SMAP1: variants seen among roughly 807,000 people sequenced by gnomAD.
SMAP1 encodes the protein small ArfGAP 1.
SMAP1 carries 24 observed loss-of-function variants against 58.5 expected under a neutral mutation model. The ratio of observed to expected loss-of-function variants is 0.41; its 90% CI spans 0.30 to 0.58. The LOEUF is 0.58. Ranked by LOEUF, SMAP1 falls within the 20% of genes least tolerant of loss-of-function variation. The probability of loss-of-function intolerance (pLI) is 0.29; values close to 1 mark genes in which losing one functional copy is unlikely to be tolerated. For missense variants in SMAP1, 563 were observed against 566.3 expected, an observed-to-expected ratio of 0.99 and a Z score of 0.06; for synonymous variants, 216 against 196.6, an observed-to-expected ratio of 1.10 and a Z score of -0.82.
chr6:70,820,950 G>C (rs1769863024), intron 6 of SMAP1, among the ~76,000 whole-genome samples: 1 of 152,112 alleles, frequency 6.6e-6, no homozygotes, highest in Admixed American at 6.5e-5. Context: ...AGTGGTTCAA[G>C]GGAATAATCA....
At chr6:70,816,336 TG>T (rs1193963424) in intron 6 of SMAP1, among the ~76,000 whole-genome samples, 1 of 152,104 alleles carries the variant, frequency 6.6e-6, no homozygotes, top group Non-Finnish European at 1.5e-5. Context: ...TGATTTTGAG[TG>T]GGGAAGTATA....
intron 4 of SMAP1, among the ~76,000 whole-genome samples, chr6:70,783,586 C>A (rs1350964452): frequency 1.3e-5 from 2 of 152,052 alleles, no homozygotes; most frequent in African/African-American, 4.8e-5. Flanking sequence ...ACTAGAATAA[C>A]CAATGCAGAG....
At chr6:70,820,195 A>C (rs988065400) in intron 6 of SMAP1, among the ~76,000 whole-genome samples, 1 of 152,202 alleles carries the variant, frequency 6.6e-6, no homozygotes, top group Non-Finnish European at 1.5e-5. Flanking sequence ...TCTTGTATTT[A>C]TACCTTTAAG....
intron 2 of SMAP1, among the ~76,000 whole-genome samples, chr6:70,736,080 T>C (rs1208571029): frequency 3.3e-5 from 5 of 152,186 alleles, no homozygotes; most frequent in African/African-American, 7.2e-5. Flanking sequence ...TAAACTGATA[T>C]TATATGTACC....
intron 6 of SMAP1, among the ~76,000 whole-genome samples, chr6:70,807,284 T>C (rs1769175999): frequency 6.6e-6 from 1 of 152,212 alleles, no homozygotes; most frequent in African/African-American, 2.4e-5. Flanking sequence ...ATTGTGTCAG[T>C]TGGAGCTAGG....
intron 1 of SMAP1, among the ~76,000 whole-genome samples, chr6:70,678,741 G>A (rs1766581711): frequency 6.6e-6 from 1 of 152,156 alleles, no homozygotes; most frequent in Non-Finnish European, 1.5e-5. Context: ...GAGGCCACCT[G>A]CATTCCTTGG....
chr6:70,673,954 A>C (rs748786696), intron 1 of SMAP1, among the ~76,000 whole-genome samples: 1 of 152,114 alleles, frequency 6.6e-6, no homozygotes, highest in Non-Finnish European at 1.5e-5. Context: ...TTCATTAATT[A>C]AGGAGGCTTA....
At chr6:70,766,242 A>G (rs1045972555) in intron 3 of SMAP1, among the ~76,000 whole-genome samples, 4 of 152,130 alleles carry the variant, frequency 2.6e-5, no homozygotes, top group East Asian at 1.9e-4. Flanking sequence ...ATGATTTATA[A>G]TCCTTTGGGT....
At chr6:70,830,727 T>G (rs1411488645) in intron 6 of SMAP1, among the ~76,000 whole-genome samples, 1 of 152,218 alleles carries the variant, frequency 6.6e-6, no homozygotes, top group East Asian at 1.9e-4. Flanking sequence ...ATTACACATA[T>G]GTCTGTGTCT....
intron 3 of SMAP1, among the ~76,000 whole-genome samples, chr6:70,767,363 C>T (rs1293119833): frequency 9.2e-5 from 14 of 152,018 alleles, no homozygotes; most frequent in African/African-American, 2.4e-4. Context: ...ATGATATTGA[C>T]TCTTCCTACC....
intron 1 of SMAP1, among the ~76,000 whole-genome samples, chr6:70,725,835 T>A (rs962515153): frequency 6.6e-6 from 1 of 152,210 alleles, no homozygotes; most frequent in African/African-American, 2.4e-5. Context: ...TAAAGCAAAC[T>A]TATAATAATT....
chr6:70,861,827 T>A lies in SMAP1; in HGVS notation c.*1493T>A, dbSNP rs1224943661. The stretch of plus-strand genomic sequence containing the variant: ...GGTCGGGCAGCACAAGTGTAATGAA[T>A]ACCTTAGTGCAGTTATTTGCTTTCG... On this transcript the variant is annotated 3_prime_UTR_variant, in exon 11 of 11. Coordinates refer to ENST00000370455, the MANE Select transcript of SMAP1 (RefSeq NM_001044305.3). 6.2e-7 allele frequency: 1 copy of A among 1,614,114 alleles called. No individual in the cohort carries two copies. The highest frequency in any genetic ancestry group is 8.5e-7 in the Non-Finnish European group (1 of 1,179,976).
intron 1 of SMAP1, among the ~76,000 whole-genome samples, chr6:70,693,059 A>C (rs1767243333): frequency 6.6e-6 from 1 of 152,116 alleles, no homozygotes; most frequent in African/African-American, 2.4e-5. Context: ...CTGGGATTAC[A>C]GGCGTGAGCC....
intron 6 of SMAP1, among the ~76,000 whole-genome samples, chr6:70,836,396 C>T (rs990526180): frequency 6.6e-6 from 1 of 152,090 alleles, no homozygotes; most frequent in African/African-American, 2.4e-5. Flanking sequence ...CCCACTGGGT[C>T]CCTCCCACAA....
At chr6:70,732,258 A>T (rs1030516497) in intron 1 of SMAP1, 120 bp from the exon 2 acceptor site, 1 of 1,069,006 alleles carries the variant, frequency 9.4e-7, no homozygotes, top group East Asian at 2.7e-5. Flanking sequence ...AAATTTGAGC[A>T]TGTGACTTCT....
At chr6:70,686,645 T>C (rs1180525909) in intron 1 of SMAP1, among the ~76,000 whole-genome samples, 10 of 152,224 alleles carry the variant, frequency 6.6e-5, no homozygotes, top group Non-Finnish European at 1.0e-4. Context: ...TATAAATGAA[T>C]ATAATAGTGT....
intron 1 of SMAP1, among the ~76,000 whole-genome samples, chr6:70,693,321 T>G (rs1465417651): frequency 8.4e-6 from 1 of 118,738 alleles, no homozygotes; most frequent in Non-Finnish European, 1.8e-5. Context: ...TTTTTTTTTT[T>G]TAAGACAGAG....
At chr6:70,764,574 C>T (rs546387083) in intron 3 of SMAP1, among the ~76,000 whole-genome samples, 1 of 152,280 alleles carries the variant, frequency 6.6e-6, no homozygotes, top group African/African-American at 2.4e-5. Flanking sequence ...ACAACAGAGC[C>T]TGGGTGACAG....
chr6:70,836,925 A>G lies in SMAP1; in HGVS notation c.577-16A>G, dbSNP rs1414338243. 9 of 1,537,960 alleles carry G rather than the reference A, an allele frequency of 5.9e-6. No individual in the cohort carries two copies. The East Asian group carries it at 1.9e-4, about 33-fold the overall frequency. ...TACTTAAGAAAAATTAATAAATCCA[A>G]TTATTTACTTTAAAGCTGCAGAAGA... On this transcript the variant is annotated splice_polypyrimidine_tract_variant and intron_variant, in intron 6 of 10. Transcript: ENST00000370455.
Sources: allele counts gnomAD v4.1 joint callset (sites outside exome capture counted in the v4.1 genomes callset), GRCh38; gene constraint gnomAD v4.1.1; transcripts MANE v1.5; gene names NCBI Gene and HGNC (gene_info 2026-07-23, HGNC 2026-07-21).